The following TMEM204 variants were observed in gnomAD, a reference collection of about 807,000 sequenced individuals.
TMEM204 encodes the protein claudin-like protein 24.
In TMEM204, 15 loss-of-function variants were observed where a neutral mutation model predicts 19.4. The observed-to-expected ratio is 0.77, with a 90% CI of 0.52 to 1.19. The LOEUF (loss-of-function observed/expected upper bound fraction) is 1.19, where lower values mean the gene tolerates loss of function less well. Ranked by LOEUF, TMEM204 falls within the 50% of genes most tolerant of loss-of-function variation. The pLI is 0.00. For synonymous variants in TMEM204, 161 were observed against 146.0 expected, an observed-to-expected ratio of 1.10 and a Z score of -0.74; for missense variants, 287 against 321.2, an observed-to-expected ratio of 0.89 and a Z score of 0.81.
chr16:1,554,139 T>G, intron 2 of TMEM204: 1 of 1,286,900 alleles, frequency 7.8e-7, no homozygotes, highest in Non-Finnish European at 1.0e-6. Flanking sequence ...AGACACCAGA[T>G]ATAGCCAAGG....
intron 2 of TMEM204, among the ~76,000 whole-genome samples, chr16:1,543,331 T>G (rs1184494216): frequency 6.6e-6 from 1 of 152,194 alleles, no homozygotes. Flanking sequence ...AAATACAATT[T>G]CCAGAAGGAG....
At chr16:1,552,246 C>G (rs1330306333) in intron 2 of TMEM204, among the ~76,000 whole-genome samples, 1 of 152,158 alleles carries the variant, frequency 6.6e-6, no homozygotes, top group African/African-American at 2.4e-5. Context: ...CCGGTATAAC[C>G]TCCTCCCGCC....
intron 1 of TMEM204, among the ~76,000 whole-genome samples, chr16:1,540,513 C>T (rs201733852): frequency 2.0e-5 from 3 of 152,320 alleles, no homozygotes; most frequent in East Asian, 3.9e-4. Context: ...CATCCCCTCT[C>T]GGCCTCCACC....
chr16:1,553,435 G>C lies in TMEM204; in HGVS notation c.437-1347G>C. On this transcript the variant is annotated intron_variant, in intron 2 of 2. Coordinates refer to ENST00000566264, the MANE Select transcript of TMEM204 (RefSeq NM_024600.6). The surrounding 1 kb of genome is among the most constrained non-coding windows in gnomAD (Gnocchi z 4.4). Reference sequence around the variant, plus strand: ...GGAGGCGGTTGGGAGTGGAGAGACCGGCATGAACAGACGCACAGGTGTCAA... The same window carrying C: ...GGAGGCGGTTGGGAGTGGAGAGACCCGCATGAACAGACGCACAGGTGTCAA... 4.1e-6 allele frequency: 4 copies of C among 985,390 alleles called. No homozygotes were observed. Among genetic ancestry groups the C allele is most frequent in the Non-Finnish European group, 4.8e-6 (4 of 829,920 alleles). 61.0% of individuals were successfully genotyped at this position (985,390 alleles called of 1,614,324 possible). A position where few individuals can be genotyped will look rare whatever the true frequency, so the allele number is the denominator to read the frequency against.
chr16:1,534,612 G>A (rs1036194182), intron 1 of TMEM204, 57 bp downstream of exon 1: 32 of 1,593,144 alleles, frequency 2.0e-5, no homozygotes, highest in African/African-American at 2.7e-5. Flanking sequence ...AGGGCACATG[G>A]GAGATGTTAG....
intron 2 of TMEM204, among the ~76,000 whole-genome samples, chr16:1,547,342 G>A (rs924828538): frequency 8.5e-5 from 13 of 152,146 alleles, no homozygotes; most frequent in African/African-American, 3.1e-4. Context: ...ATTCTGAACT[G>A]CCTTCAAAAT....
At chr16:1,529,163 CGGACGCATTCCACCACCCAG>C (rs1363755036), upstream of TMEM204, among the ~76,000 whole-genome samples, 1 of 152,216 alleles carries the variant, frequency 6.6e-6, no homozygotes, top group Non-Finnish European at 1.5e-5. Context: ...GTGAATTCCA[CGGACGCATTCCACCACCCAG>C]GGACGCAGGG....
At chr16:1,542,962 A>G (rs2031790504) in intron 2 of TMEM204, among the ~76,000 whole-genome samples, 1 of 152,240 alleles carries the variant, frequency 6.6e-6, no homozygotes, top group Non-Finnish European at 1.5e-5. Context: ...TGTTCTAGAC[A>G]AGTGCTTGAG....
intron 2 of TMEM204, among the ~76,000 whole-genome samples, chr16:1,550,663 C>T (rs1326027563): frequency 6.6e-6 from 1 of 152,202 alleles, no homozygotes; most frequent in Non-Finnish European, 1.5e-5. Context: ...CTGTGCTTTG[C>T]TCCATGGTTT....
chr16:1,536,768 C>T (rs147421224), intron 1 of TMEM204, among the ~76,000 whole-genome samples: 7 of 152,296 alleles, frequency 4.6e-5, no homozygotes, highest in African/African-American at 1.2e-4. Context: ...CCTTCACCGA[C>T]GTCCATCTGC....
chr16:1,554,144 C>A lies in TMEM204; in HGVS notation c.437-638C>A. On this transcript the variant is annotated intron_variant, in intron 2 of 2. Coordinates refer to ENST00000566264, the MANE Select transcript of TMEM204 (RefSeq NM_024600.6). ...AAGTGAGGGAAGACACCAGATATAG[C>A]CAAGGAGCCCTAGACAAGGCCCTGG... is the stretch of plus-strand genomic sequence containing the variant. The A allele has an allele frequency of 5.4e-6, 7 of 1,286,646 alleles. No individual in the cohort carries two copies. In the South Asian group the frequency reaches 8.7e-5, roughly 16 times the overall value. 79.7% of individuals were successfully genotyped at this position (1,286,646 alleles called of 1,614,324 possible).
chr16:1,554,702 C>T (rs1329147261), intron 2 of TMEM204, 80 bp from the exon 3 acceptor site: 11 of 1,574,338 alleles, frequency 7.0e-6, no homozygotes, highest in Non-Finnish European at 8.6e-6. Context: ...CTGGAACCTG[C>T]TCTAGGACAG....
In TMEM204 at chr16:1,541,923, C is replaced by A; in HGVS notation, c.283C>A (p.Gln95Lys). The change falls in exon 2 of 3, where the codon CAG (glutamine) becomes AAG (lysine). Residue 95 changes from glutamine (Q) to lysine (K), a missense_variant and splice_region_variant. Transcript: ENST00000566264. ...GCCTCTCTGCTCTTGGCCCACAGTG[C>A]AGTTCGACATGATGCGCGCCTGCAA... ...FQESRGTVKL[Q>K]FDMMRACNLV... 6.3e-7 allele frequency: 1 copy of A among 1,597,734 alleles called. No individual in the cohort carries two copies. The highest frequency in any genetic ancestry group is 1.7e-5 in the Admixed American group (1 of 58,976).
At chr16:1,539,499 C>T (rs938180370) in intron 1 of TMEM204, among the ~76,000 whole-genome samples, 2 of 152,284 alleles carry the variant, frequency 1.3e-5, no homozygotes, top group Non-Finnish European at 2.9e-5. Context: ...GAGCCAGGTC[C>T]TCACCTGCTG....
chr16:1,544,717 C>T (rs1156916655), intron 2 of TMEM204, among the ~76,000 whole-genome samples: 3 of 151,802 alleles, frequency 2.0e-5, no homozygotes, highest in Non-Finnish European at 4.4e-5. Context: ...GGCGCGATCT[C>T]GGCTCACTGC....
Position 1,553,285 on chromosome 16 carries a change from T to A in TMEM204, c.437-1497T>A. ...CTCTCTTGGTCTCTGTCTCTCTGTG[T>A]CTCTGCCTGTCTCTCTGTGTCTCTG... On this transcript the variant is annotated intron_variant, in intron 2 of 2. Coordinates refer to ENST00000566264, the MANE Select transcript of TMEM204 (RefSeq NM_024600.6). This position sits in a 1 kb window ranked among gnomAD's most constrained non-coding sequence, Gnocchi z 4.4. The A allele has an allele frequency of 1.0e-6, 1 of 982,180 alleles. No individual in the cohort carries two copies. 60.8% of individuals were successfully genotyped at this position (982,180 alleles called of 1,614,324 possible).
Position 1,534,540 on chromosome 16 carries a change from C to A in TMEM204, c.265C>A (p.Arg89=). 3 of 1,604,430 alleles carry A rather than the reference C, an allele frequency of 1.9e-6. No homozygotes were observed. Among genetic ancestry groups the A allele is most frequent in the Non-Finnish European group, 2.5e-6 (3 of 1,179,868 alleles). ...CGAGGCAGCCGGCTTCCAGGAGTCC[C>A]GAGGCACCGTCAAACGTAAGTCCAA... is the stretch of plus-strand genomic sequence containing the variant. The part of the protein sequence containing the change: ...GSEAAGFQES[R]GTVKLQFDMM... The change falls in exon 1 of 3, where the codon CGA becomes AGA. Residue 89 remains arginine (R), a synonymous_variant. Transcript: ENST00000566264.
At chr16:1,546,688 C>T (rs575404625) in intron 2 of TMEM204, among the ~76,000 whole-genome samples, 5 of 152,338 alleles carry the variant, frequency 3.3e-5, no homozygotes, top group East Asian at 1.9e-4. Flanking sequence ...TGCCAGGATC[C>T]GTTCATGGAG....
chr16:1,544,940 A>C (rs528697478), intron 2 of TMEM204, among the ~76,000 whole-genome samples: 1 of 152,268 alleles, frequency 6.6e-6, no homozygotes, highest in East Asian at 1.9e-4. Flanking sequence ...GAGCCACGGC[A>C]CCCGGCCCAG....
Sources: allele counts gnomAD v4.1 joint callset (sites outside exome capture counted in the v4.1 genomes callset), GRCh38; gene constraint gnomAD v4.1.1; non-coding constraint Gnocchi (gnomAD v3.1); transcripts MANE v1.5; gene names NCBI Gene and HGNC (gene_info 2026-07-23, HGNC 2026-07-21).